NSF: variants seen among roughly 807,000 people sequenced by gnomAD.
NSF encodes N-ethylmaleimide sensitive factor, vesicle fusing ATPase, also known as vesicle-fusing ATPase.
In NSF, 14 loss-of-function variants were observed where a neutral mutation model predicts 50.3. That is an observed-to-expected ratio of 0.28 (90% CI 0.18 to 0.44). The LOEUF is 0.44. Ranked by LOEUF, NSF falls within the 20% of genes least tolerant of loss-of-function variation. NSF has a pLI of 1.00. For synonymous variants in NSF, 109 were observed against 175.7 expected (o/e 0.62, Z 3.00); for missense variants, 218 against 504.3 (o/e 0.43, Z 5.44).
At chr17:46,744,377 T>G (rs2059107500) in intron 17 of NSF, among the ~76,000 whole-genome samples, 1 of 152,194 alleles carries the variant, frequency 6.6e-6, no homozygotes, top group Admixed American at 6.5e-5. Context: ...AAAATAAAGT[T>G]TAATGCCCCC....
chr17:46,743,549 T>A (rs1299047275), intron 17 of NSF, among the ~76,000 whole-genome samples: 1 of 152,248 alleles, frequency 6.6e-6, no homozygotes, highest in Non-Finnish European at 1.5e-5. Context: ...TGATGGGGCC[T>A]CTACTTCTGT....
chr17:46,726,566 C>T lies in NSF; in HGVS notation c.1779C>T (p.Tyr593=). 1 of 1,613,952 alleles carries T rather than the reference C, an allele frequency of 6.2e-7. No homozygotes were observed. The highest frequency in any genetic ancestry group is 1.7e-5 in the Admixed American group (1 of 60,020). ...TCTTTCAGATCTTTGATGATGCGTA[C>T]AAATCCCAGCTCAGTTGTGTGGTTG... ...QAMKKIFDDA[Y]KSQLSCVVVD... is the part of the protein sequence containing the mutation. Residue 593 remains tyrosine (Y), a synonymous_variant, in exon 16 of 21, where the codon TAC becomes TAT. Coordinates refer to ENST00000398238, the MANE Select transcript of NSF (RefSeq NM_006178.4).
intron 9 of NSF, among the ~76,000 whole-genome samples, chr17:46,679,879 A>T (rs1163658883): frequency 6.6e-6 from 1 of 150,702 alleles, no homozygotes; most frequent in African/African-American, 2.5e-5. Flanking sequence ...TGATAATAAA[A>T]AGGTAATTTT....
At chr17:46,750,783 G>A (rs1317512410) in intron 18 of NSF, among the ~76,000 whole-genome samples, 1 of 151,708 alleles carries the variant, frequency 6.6e-6, no homozygotes, top group East Asian at 1.9e-4. Context: ...ATTCATAGTG[G>A]CTTTTAGCAC....
intron 13 of NSF, 133 bp from the exon 14 acceptor site, chr17:46,710,830 G>T: frequency 1.4e-6 from 1 of 733,620 alleles, no homozygotes; most frequent in Non-Finnish European, 2.0e-6. Flanking sequence ...AAGTTGTTTT[G>T]CTTTCCAGGC....
At chr17:46,711,490 G>A (rs2058718419) in intron 14 of NSF, among the ~76,000 whole-genome samples, 1 of 152,076 alleles carries the variant, frequency 6.6e-6, no homozygotes, top group South Asian at 2.1e-4. Context: ...ATTCAGTCTG[G>A]TCATGAACAA....
chr17:46,625,903 A>AAAAAAC (rs2058094046), intron 2 of NSF, among the ~76,000 whole-genome samples: 1 of 136,048 alleles, frequency 7.4e-6, no homozygotes, highest in Non-Finnish European at 1.5e-5. Context: ...AAAAAAAAAA[A>AAAAAAC]AGATACTGCT....
rs1051476203 is a variant in NSF, at chr17:46,638,614, T to A, written c.405+1072T>A. ...CTAGTCTCGAACTCATGAGCTCAGG[T>A]GATCCATCCGCCTTGACCTCCCAAA... On this transcript the variant is annotated intron_variant, in intron 5 of 20. Transcript: ENST00000398238. 2.3e-5 allele frequency among the ~76,000 whole-genome samples: 3 copies of A among 131,820 alleles called. No individual in the cohort carries two copies. In the East Asian group the frequency reaches 9.9e-4, roughly 44 times the overall value. 86.5% of individuals were successfully genotyped at this position (131,820 alleles called of 152,430 possible).
At position 46,756,121 on chromosome 17, in the gene NSF, C is replaced by T; in HGVS notation, c.*298C>T. 3.2e-6 allele frequency: 1 copy of T among 315,274 alleles called. No individual in the cohort carries two copies. Among genetic ancestry groups the T allele is most frequent in the Non-Finnish European group, 5.9e-6 (1 of 170,652 alleles). 19.5% of individuals were successfully genotyped at this position (315,274 alleles called of 1,614,324 possible). ...GTGGGAACCATCCAGTACTTGTGGACACTACACGTTTCAACCTCTCTACTA... is the reference window on the plus strand; with the variant it reads ...GTGGGAACCATCCAGTACTTGTGGATACTACACGTTTCAACCTCTCTACTA... On this transcript the variant is annotated 3_prime_UTR_variant, in exon 21 of 21. Coordinates refer to ENST00000398238, the MANE Select transcript of NSF (RefSeq NM_006178.4).
chr17:46,697,414 G>A (rs1048538751), intron 12 of NSF, among the ~76,000 whole-genome samples: 1 of 149,758 alleles, frequency 6.7e-6, no homozygotes, highest in Non-Finnish European at 1.5e-5. Flanking sequence ...TTTTCACCAT[G>A]TTGGCCAGGC....
At chr17:46,755,164 T>G in intron 19 of NSF, 150 bp from the exon 20 acceptor site, 1 of 640,796 alleles carries the variant, frequency 1.6e-6, no homozygotes, top group Non-Finnish European at 2.8e-6. Context: ...TTGTTTTGTG[T>G]GAGAATGCTG....
chr17:46,691,821 C>T lies in NSF; in HGVS notation c.946-1082C>T, dbSNP rs904299644. Among the ~76,000 whole-genome samples, 31 of 151,256 alleles carry T rather than the reference C, an allele frequency of 2.0e-4. 1 individual carries two copies. Among genetic ancestry groups the T allele is most frequent in the African/African-American group, 7.3e-4 (30 of 40,824 alleles). On this transcript the variant is annotated intron_variant, in intron 9 of 20. Transcript: ENST00000398238. ...AGGCTGGAGTGCAGTGGTGCAGTCT[C>T]GGCTCACTGCAACCTCTGCCTCCTG...
At chr17:46,750,408 T>G (rs2059170944) in intron 18 of NSF, among the ~76,000 whole-genome samples, 2 of 152,198 alleles carry the variant, frequency 1.3e-5, no homozygotes, top group Admixed American at 1.3e-4. Context: ...TTTCAGATTT[T>G]GGAATATTGC....
chr17:46,722,455 G>T (rs746648595), intron 15 of NSF, among the ~76,000 whole-genome samples: 1 of 152,060 alleles, frequency 6.6e-6, no homozygotes, highest in Non-Finnish European at 1.5e-5. Flanking sequence ...TACTTTTCTC[G>T]CATCTTTCTT....
chr17:46,743,301 C>T (rs1323810901), intron 17 of NSF, among the ~76,000 whole-genome samples: 3 of 152,206 alleles, frequency 2.0e-5, no homozygotes, highest in African/African-American at 4.8e-5. Flanking sequence ...CGTATGGATT[C>T]CTGACACCAC....
At chr17:46,751,277 C>T (rs897876531) in intron 18 of NSF, among the ~76,000 whole-genome samples, 4 of 152,060 alleles carry the variant, frequency 2.6e-5, no homozygotes, top group Non-Finnish European at 4.4e-5. Context: ...AGTTACATAG[C>T]GGTCCATAAG....
chr17:46,605,981 C>G (rs1208640117), intron 1 of NSF, among the ~76,000 whole-genome samples: 1 of 46,798 alleles, frequency 2.1e-5, no homozygotes, highest in Admixed American at 3.6e-4. Context: ...GAAACCTCGT[C>G]TCTACTAAAA....
At chr17:46,724,017 C>G (rs534056804) in intron 15 of NSF, among the ~76,000 whole-genome samples, 1 of 152,278 alleles carries the variant, frequency 6.6e-6, no homozygotes, top group South Asian at 2.1e-4. Flanking sequence ...TCTCACCTAC[C>G]ACTCCACTGC....
At position 46,718,551 on chromosome 17, in the gene NSF, G is replaced by A. The variant is rs143303786; in HGVS notation, c.1761+4565G>A. Among the ~76,000 whole-genome samples the A allele has an allele frequency of 5.3e-5, 8 of 152,202 alleles. No homozygotes were observed. The East Asian group carries it at 1.5e-3, about 29-fold the overall frequency. ...AAAATTTAAAATTTATATAAAAACA[G>A]TATTCCATAGGACTACCAAACTAGG... is the stretch of plus-strand genomic sequence containing the variant. On this transcript the variant is annotated intron_variant, in intron 15 of 20. Transcript: ENST00000398238.
Sources: gnomAD v4.1 joint callset for allele counts (sites outside exome capture counted in the v4.1 genomes callset) on GRCh38, gnomAD v4.1.1 for gene constraint, MANE v1.5 for transcripts, NCBI Gene and HGNC (gene_info 2026-07-23, HGNC 2026-07-21) for gene names.